The following PPP1R8 variants were observed in gnomAD, a reference collection of about 807,000 sequenced individuals.
The protein encoded by PPP1R8 is nuclear inhibitor of protein phosphatase 1.
Under a neutral mutation model 31.3 loss-of-function variants are expected in PPP1R8, and 4 were observed. The ratio of observed to expected loss-of-function variants is 0.13; its 90% CI spans 0.06 to 0.29. The LOEUF (loss-of-function observed/expected upper bound fraction) is 0.29. Among genes scored for constraint, PPP1R8 ranks in the 10% least tolerant of loss-of-function variants. The pLI is 1.00. For missense variants in PPP1R8, 254 were observed against 440.1 expected (o/e 0.58, Z 3.78); for synonymous variants, 170 against 169.7 (o/e 1.00, Z -0.01).
At chr1:27,848,619 C>A (rs1306220480) in intron 6 of PPP1R8, among the ~76,000 whole-genome samples, 1 of 151,992 alleles carries the variant, frequency 6.6e-6, no homozygotes, top group Non-Finnish European at 1.5e-5. Context: ...AAAAAAAAAT[C>A]TCTAAAATAT....
intron 1 of PPP1R8, chr1:27,831,258 G>A: frequency 9.9e-7 from 1 of 1,014,948 alleles, no homozygotes; most frequent in African/African-American, 1.7e-5. Flanking sequence ...TACGTCCCGA[G>A]CGCGCTCGAG....
At chr1:27,839,756 C>T (rs2089204958) in intron 3 of PPP1R8, among the ~76,000 whole-genome samples, 1 of 151,652 alleles carries the variant, frequency 6.6e-6, no homozygotes. Flanking sequence ...TGAATAATAC[C>T]AGTTTTAATT....
At chr1:27,845,172 C>T (rs1449241517) in intron 5 of PPP1R8, among the ~76,000 whole-genome samples, 3 of 147,470 alleles carry the variant, frequency 2.0e-5, no homozygotes, top group East Asian at 2.0e-4. Context: ...GGGCGGATCA[C>T]GAGATCAGGA....
intron 6 of PPP1R8, among the ~76,000 whole-genome samples, chr1:27,849,640 C>T (rs1450741167): frequency 2.6e-5 from 4 of 152,116 alleles, no homozygotes; most frequent in African/African-American, 9.7e-5. Context: ...AGGCACCTGC[C>T]ACCACGCCTG....
intron 5 of PPP1R8, among the ~76,000 whole-genome samples, chr1:27,844,714 T>C (rs1192479791): frequency 7.8e-6 from 1 of 128,756 alleles, no homozygotes; most frequent in East Asian, 2.2e-4. Flanking sequence ...TTTTTTTTTT[T>C]TTTTTTTTTT....
chr1:27,844,071 C>T (rs1044168148), intron 5 of PPP1R8, among the ~76,000 whole-genome samples: 4 of 152,178 alleles, frequency 2.6e-5, no homozygotes, highest in African/African-American at 7.2e-5. Context: ...GGCACAGTCA[C>T]GGCTCACTAC....
At chr1:27,831,211 G>A in intron 1 of PPP1R8, 1 of 1,112,136 alleles carries the variant, frequency 9.0e-7, no homozygotes, top group Non-Finnish European at 1.1e-6. Flanking sequence ...CTGAGTGCCT[G>A]GTGCTCTCGT....
chr1:27,844,351 C>T (rs1293954415), intron 5 of PPP1R8, among the ~76,000 whole-genome samples: 4 of 151,690 alleles, frequency 2.6e-5, no homozygotes, highest in Non-Finnish European at 5.9e-5. Flanking sequence ...TTTTTTGAGA[C>T]GGAGTCTCGT....
rs1488523238 is a variant in PPP1R8 at position 27,850,568 on chromosome 1, G to A, written c.*122G>A. ...GGTATCGTCTTTCAGAATGTCTCCT[G>A]GCATCCTAACCATGTAATATGACAA... On this transcript the variant is annotated 3_prime_UTR_variant, in exon 7 of 7. Transcript: ENST00000311772. 7 of 891,920 alleles carry A rather than the reference G, an allele frequency of 7.8e-6. No individual in the cohort carries two copies. Among genetic ancestry groups the A allele is most frequent in the Non-Finnish European group, 1.2e-5 (7 of 597,748 alleles). 55.3% of individuals were successfully genotyped at this position (891,920 alleles called of 1,614,324 possible).
intron 4 of PPP1R8, 123 bp downstream of exon 4, chr1:27,841,357 TGG>T (rs2089221051): frequency 1.0e-6 from 1 of 987,766 alleles, no homozygotes; most frequent in Non-Finnish European, 1.5e-6. Flanking sequence ...AGTCCAGTAA[TGG>T]GCCTTTGGCA....
chr1:27,850,446 A>G lies in PPP1R8; in HGVS notation c.1056A>G (p.Ter352TrpextTer18). The G allele has an allele frequency of 1.1e-6, 1 of 883,162 alleles. No individual in the cohort carries two copies. The highest frequency in any genetic ancestry group is 1.7e-6 in the Non-Finnish European group (1 of 590,834). The allele number at this position is 883,162 out of a possible 1,614,324, so 54.7% of individuals were successfully genotyped here. A position where few individuals can be genotyped will look rare whatever the true frequency, so the allele number is the denominator to read the frequency against. Residue 352 changes from the stop codon to tryptophan, a stop_lost, in exon 7 of 7, where the codon TGA becomes TGG. Transcript: ENST00000311772. ...AGCCCACACCTTCCTTGCTGATTTG[A>G]TATTTTTGGTCATGGAGAAGGGTGG... The part of the protein sequence containing the change: ...GKKPTPSLLI[*>W]
chr1:27,837,852 A>C (rs2089185414), intron 2 of PPP1R8, among the ~76,000 whole-genome samples: 2 of 151,642 alleles, frequency 1.3e-5, no homozygotes, highest in South Asian at 4.2e-4. Flanking sequence ...TGAGGTGGGC[A>C]GATCATGAGG....
chr1:27,846,084 C>T (rs1187068289), intron 5 of PPP1R8, among the ~76,000 whole-genome samples: 1 of 152,070 alleles, frequency 6.6e-6, no homozygotes, highest in Non-Finnish European at 1.5e-5. Context: ...GCCACCGCAC[C>T]CGGCCAGGAG....
intron 3 of PPP1R8, among the ~76,000 whole-genome samples, chr1:27,840,689 T>C (rs963791900): frequency 1.3e-5 from 2 of 152,112 alleles, no homozygotes; most frequent in Admixed American, 6.5e-5. Flanking sequence ...CGGTCAGTGG[T>C]ATTTGTTATC....
intron 2 of PPP1R8, among the ~76,000 whole-genome samples, chr1:27,836,450 C>G (rs1198110903): frequency 6.6e-6 from 1 of 152,190 alleles, no homozygotes; most frequent in African/African-American, 2.4e-5. Flanking sequence ...GAGTCTTGCT[C>G]TGTCGCCCAG....
chr1:27,840,867 T>G (rs991478791), intron 3 of PPP1R8, 147 bp from the exon 4 acceptor site: 5 of 771,956 alleles, frequency 6.5e-6, no homozygotes, highest in Non-Finnish European at 1.0e-5. Flanking sequence ...ATGGCATTTT[T>G]AAAATAAATT....
In PPP1R8 at chr1:27,850,504, G is replaced by T; in HGVS notation, c.*58G>T. Reference sequence around the variant, plus strand: ...TGGGAATGGGGTGGAAGGGTGATGGGGAGCTAATGAACTAGGGAGAAAAAC... The same window carrying T: ...TGGGAATGGGGTGGAAGGGTGATGGTGAGCTAATGAACTAGGGAGAAAAAC... On this transcript the variant is annotated 3_prime_UTR_variant, in exon 7 of 7. Transcript: ENST00000311772. 1.4e-6 allele frequency: 2 copies of T among 1,445,444 alleles called. No homozygotes were observed. The highest frequency in any genetic ancestry group is 2.2e-5 in the Admixed American group (1 of 46,466). 89.5% of individuals were successfully genotyped at this position (1,445,444 alleles called of 1,614,324 possible).
rs548706220 is a variant in PPP1R8, at chr1:27,849,645, C to T, written c.703-448C>T. Among the ~76,000 whole-genome samples, 21 of 152,188 alleles carry T rather than the reference C, an allele frequency of 1.4e-4. No individual in the cohort carries two copies. In the South Asian group the frequency reaches 4.1e-3, roughly 30 times the overall value. On this transcript the variant is annotated intron_variant, in intron 6 of 6. Coordinates refer to ENST00000311772, the MANE Select transcript of PPP1R8 (RefSeq NM_014110.5). The stretch of plus-strand genomic sequence containing the variant: ...CTGTGATTACAGGCACCTGCCACCA[C>T]GCCTGGCTAATTTTTGTATTTTTAG...
In PPP1R8 at chr1:27,845,019, C is replaced by T. The variant is rs1434164261; in HGVS notation, c.637+1689C>T. Among the ~76,000 whole-genome samples the T allele has an allele frequency of 2.1e-5, 3 of 142,824 alleles. No homozygotes were observed. In the East Asian group the frequency reaches 6.6e-4, roughly 31 times the overall value. 93.7% of individuals were successfully genotyped at this position (142,824 alleles called of 152,430 possible). ...AAGTGCTGGGATTACAGGCGTGAGC[C>T]ACCATGCCCGGCCTGACAAATTTCT... is the stretch of plus-strand genomic sequence containing the variant. On this transcript the variant is annotated intron_variant, in intron 5 of 6. Transcript: ENST00000311772.
Sources: allele counts gnomAD v4.1 joint callset (sites outside exome capture counted in the v4.1 genomes callset), GRCh38; gene constraint gnomAD v4.1.1; transcripts MANE v1.5; gene names NCBI Gene and HGNC (gene_info 2026-07-23, HGNC 2026-07-21).